ADCYAP1R1: variants seen among roughly 807,000 people sequenced by gnomAD.
The protein encoded by ADCYAP1R1 is ADCYAP receptor type I.
A neutral mutation model predicts 67.6 loss-of-function variants in ADCYAP1R1; 44 were observed. That is an observed-to-expected ratio of 0.65 (90% CI 0.51 to 0.84). The LOEUF (loss-of-function observed/expected upper bound fraction) is 0.84. Among genes scored for constraint, ADCYAP1R1 ranks in the 40% least tolerant of loss-of-function variants. ADCYAP1R1 has a pLI of 0.00. For synonymous variants in ADCYAP1R1, 222 were observed against 219.6 expected (o/e 1.01, Z -0.10); for missense variants, 477 against 587.9 (o/e 0.81, Z 1.95).
At chr7:31,058,063 G>A (rs1318157936) in intron 1 of ADCYAP1R1, among the ~76,000 whole-genome samples, 1 of 152,346 alleles carries the variant, frequency 6.6e-6, no homozygotes, top group Non-Finnish European at 1.5e-5. Flanking sequence ...ATGTGAGGCA[G>A]AGGAAACTGT....
chr7:31,099,638 C>T (rs1033462115), intron 13 of ADCYAP1R1, among the ~76,000 whole-genome samples: 1 of 152,128 alleles, frequency 6.6e-6, no homozygotes, highest in Non-Finnish European at 1.5e-5. Flanking sequence ...GGACGGACAC[C>T]CAAGTTGACC....
At chr7:31,104,358 A>C (rs1038917155) in intron 14 of ADCYAP1R1, among the ~76,000 whole-genome samples, 7 of 152,176 alleles carry the variant, frequency 4.6e-5, no homozygotes, top group Non-Finnish European at 1.0e-4. Context: ...TATATAGAGA[A>C]TAGCTAAGTG....
At position 31,087,772 on chromosome 7, in the gene ADCYAP1R1, A is replaced by C. The variant is rs77898712; in HGVS notation, c.954+76A>C. On this transcript the variant is annotated intron_variant, in intron 12 of 15. Coordinates refer to ENST00000304166, the MANE Select transcript of ADCYAP1R1 (RefSeq NM_001118.5). ...AAAGGCACGCGAGGAAGAGAAATGAAAGAGTCCCCACACAACCTGACTTCC... is the reference window on the plus strand; with the variant it reads ...AAAGGCACGCGAGGAAGAGAAATGACAGAGTCCCCACACAACCTGACTTCC... The C allele has an allele frequency of 5.8e-6, 7 of 1,217,314 alleles. No individual in the cohort carries two copies. The East Asian group carries it at 1.7e-4, about 29-fold the overall frequency. The allele number at this position is 1,217,314 out of a possible 1,614,324, so 75.4% of individuals were successfully genotyped here.
chr7:31,066,583 A>G (rs1398718350), intron 3 of ADCYAP1R1, among the ~76,000 whole-genome samples: 1 of 149,308 alleles, frequency 6.7e-6, no homozygotes, highest in Non-Finnish European at 1.5e-5. Flanking sequence ...GGATTCATAT[A>G]TTGAAACTGG....
At chr7:31,087,792 A>G in intron 12 of ADCYAP1R1, 96 bp downstream of exon 12, 1 of 929,666 alleles carries the variant, frequency 1.1e-6, no homozygotes, top group Non-Finnish European at 1.7e-6. Context: ...ACACAACCTG[A>G]CTTCCTCCTC....
At chr7:31,101,535 A>G (rs902462514) in intron 13 of ADCYAP1R1, among the ~76,000 whole-genome samples, 2 of 152,308 alleles carry the variant, frequency 1.3e-5, no homozygotes, top group Non-Finnish European at 2.9e-5. Context: ...GGAGTCCCCA[A>G]GACATCCATG....
intron 11 of ADCYAP1R1, among the ~76,000 whole-genome samples, 155 bp from the exon 12 acceptor site, chr7:31,087,472 G>A (rs1795796856): frequency 6.6e-6 from 1 of 152,244 alleles, no homozygotes; most frequent in African/African-American, 2.4e-5. Flanking sequence ...GCTGGAGTCT[G>A]TAGCCCGCTG....
chr7:31,087,652 G>C lies in ADCYAP1R1; in HGVS notation c.910G>C (p.Ala304Pro). 6.2e-7 allele frequency: 1 copy of C among 1,614,092 alleles called. No individual in the cohort carries two copies. Among genetic ancestry groups the C allele is most frequent in the East Asian group, 2.2e-5 (1 of 44,878 alleles). ...TGCWDMNDSTALWWVIKGPVV... is the reference protein window; with the variant it reads ...TGCWDMNDSTPLWWVIKGPVV... ...CTGCTGGGATATGAATGACAGCACA[G>C]CTCTGTGGTGGGTGATCAAAGGCCC... is the stretch of plus-strand genomic sequence containing the variant. Residue 304 changes from alanine (A) to proline (P), a missense_variant, in exon 12 of 16, where the codon GCT becomes CCT. By Grantham distance (27) the Ala-to-Pro change is conservative (BLOSUM62 -1). Transcript: ENST00000304166.
At chr7:31,104,302 A>G (rs550079138) in intron 14 of ADCYAP1R1, among the ~76,000 whole-genome samples, 129 of 152,368 alleles carry the variant, frequency 8.5e-4, no homozygotes, top group Admixed American at 1.5e-3. Flanking sequence ...ACTAATTTGC[A>G]GCATTCAAGA....
intron 12 of ADCYAP1R1, among the ~76,000 whole-genome samples, chr7:31,091,927 AT>A (rs1183987431): frequency 6.6e-6 from 1 of 151,334 alleles, no homozygotes; most frequent in Non-Finnish European, 1.5e-5. Flanking sequence ...GTTTGTGGTA[AT>A]CTTTCCCTAG....
intron 4 of ADCYAP1R1, 94 bp from the exon 5 acceptor site, chr7:31,080,519 G>C (rs1429954826): frequency 7.7e-7 from 1 of 1,304,518 alleles, no homozygotes; most frequent in African/African-American, 1.4e-5. Flanking sequence ...GGAGGAGGAA[G>C]TGATCAGCAA....
rs1392990162 is a variant in ADCYAP1R1 at position 31,111,474 on chromosome 7, T to C, written c.*4790T>C. 6.6e-6 allele frequency: 1 copy of C among 152,258 alleles called. No homozygotes were observed. Among genetic ancestry groups the C allele is most frequent in the African/African-American group, 2.4e-5 (1 of 41,448 alleles). The allele number at this position is 152,258 out of a possible 1,614,324, so 9.4% of individuals were successfully genotyped here. On this transcript the variant is annotated 3_prime_UTR_variant, in exon 16 of 16. Transcript: ENST00000304166. ...GACTCAATAAATGTTTTGCCATTTT[T>C]CCTGGTGGCTGTAACTTGGCATAAG...
Position 31,052,322 on chromosome 7 carries a change from C to T in ADCYAP1R1, c.-428C>T, listed in dbSNP as rs991490876. The T allele has an allele frequency of 2.0e-5, 3 of 152,094 alleles. No individual in the cohort carries two copies. Among genetic ancestry groups the T allele is most frequent in the African/African-American group, 7.2e-5 (3 of 41,454 alleles). The allele number at this position is 152,094 out of a possible 1,614,324, so 9.4% of individuals were successfully genotyped here. A position where few individuals can be genotyped will look rare whatever the true frequency, so the allele number is the denominator to read the frequency against. ...GGTGGTCGGTCGCCTCCCTCCAGCG[C>T]CCAGCCTGGCTTCGCGGCGGAGGCG... On this transcript the variant is annotated 5_prime_UTR_variant, in exon 1 of 16. Transcript: ENST00000304166.
intron 4 of ADCYAP1R1, among the ~76,000 whole-genome samples, chr7:31,079,635 T>C (rs28403521): frequency 0.13 from 19,057 of 152,244 alleles, 1,993 homozygotes; most frequent in African/African-American, 0.28. Context: ...GGGAGGGGCT[T>C]GCAGGAGGTG....
chr7:31,078,144 C>T (rs1351414228), intron 4 of ADCYAP1R1, 46 bp downstream of exon 4: 4 of 1,502,138 alleles, frequency 2.7e-6, no homozygotes, highest in Admixed American at 4.1e-5. Flanking sequence ...CTAGCCTGCT[C>T]CCCAAATTCG....
chr7:31,057,846 G>T lies in ADCYAP1R1; in HGVS notation c.-72+5168G>T, dbSNP rs577712886. 7.6e-4 allele frequency among the ~76,000 whole-genome samples: 115 copies of T among 152,284 alleles called. 1 individual carries two copies. The highest frequency in any genetic ancestry group is 1.0e-3 in the Non-Finnish European group (70 of 68,014). On this transcript the variant is annotated intron_variant, in intron 1 of 15. Transcript: ENST00000304166. ...ATGGAGCACGGGGAGAGCAGGGTAG[G>T]CGAGTGATGTACTTAGCCTGGCCAT...
intron 15 of ADCYAP1R1, among the ~76,000 whole-genome samples, chr7:31,105,921 C>T (rs1468578183): frequency 1.3e-5 from 2 of 152,198 alleles, no homozygotes; most frequent in Non-Finnish European, 2.9e-5. Context: ...CTCAGCATGG[C>T]CCCCACTCAC....
chr7:31,097,060 A>G (rs1054520041), intron 13 of ADCYAP1R1, among the ~76,000 whole-genome samples: 5 of 152,248 alleles, frequency 3.3e-5, no homozygotes, highest in Admixed American at 2.6e-4. Context: ...CCCGGCTGAC[A>G]GATGTGAGTG....
chr7:31,090,952 G>A (rs1278388309), intron 12 of ADCYAP1R1, among the ~76,000 whole-genome samples: 1 of 152,172 alleles, frequency 6.6e-6, no homozygotes, highest in African/African-American at 2.4e-5. Flanking sequence ...GGATTGCTGG[G>A]TCTAATGATG....
Sources: allele counts gnomAD v4.1 joint callset (sites outside exome capture counted in the v4.1 genomes callset), GRCh38; gene constraint gnomAD v4.1.1; transcripts MANE v1.5; gene names NCBI Gene and HGNC (gene_info 2026-07-23, HGNC 2026-07-21).